The following GOLT1A variants were observed in gnomAD, a reference collection of about 807,000 sequenced individuals.
GOLT1A encodes vesicle transport protein GOT1A.
Under a neutral mutation model 16.1 loss-of-function variants are expected in GOLT1A, and 10 were observed. The observed-to-expected ratio is 0.62, with a 90% CI of 0.38 to 1.05. The LOEUF is 1.05. Ranked by LOEUF, GOLT1A falls within the 50% of genes least tolerant of loss-of-function variation. GOLT1A has a pLI of 0.01. For missense variants in GOLT1A, 137 were observed against 165.7 expected, an observed-to-expected ratio of 0.83 and a Z score of 0.95; for synonymous variants, 60 against 67.9, an observed-to-expected ratio of 0.88 and a Z score of 0.57.
At chr1:204,209,352 G>A (rs1216120868) in intron 1 of GOLT1A, among the ~76,000 whole-genome samples, 1 of 152,150 alleles carries the variant, frequency 6.6e-6, no homozygotes, top group East Asian at 1.9e-4. Context: ...GGGATGCTTT[G>A]CCTATGATAC....
chr1:204,208,449 T>C (rs1240354409), intron 1 of GOLT1A, among the ~76,000 whole-genome samples: 1 of 114,428 alleles, frequency 8.7e-6, no homozygotes, highest in East Asian at 2.3e-4. Flanking sequence ...TATGTGTGTA[T>C]ATATGTATAC....
intron 1 of GOLT1A, among the ~76,000 whole-genome samples, chr1:204,212,888 T>C (rs1164710823): frequency 1.3e-5 from 2 of 152,148 alleles, no homozygotes; most frequent in Non-Finnish European, 2.9e-5. Context: ...CACCTCCTTG[T>C]TGTTCTTCAA....
intron 1 of GOLT1A, among the ~76,000 whole-genome samples, chr1:204,207,304 G>A (rs555139365): frequency 3.3e-5 from 5 of 152,314 alleles, no homozygotes; most frequent in Admixed American, 6.5e-5. Context: ...ACACCCAGCC[G>A]AAAAAAGCTG....
chr1:204,208,503 A>ATATATATATAT (rs1355316440), intron 1 of GOLT1A, among the ~76,000 whole-genome samples: 85 of 50,854 alleles, frequency 1.7e-3, no homozygotes, highest in African/African-American at 6.0e-3. Context: ...TATATATATA[A>ATATATATATAT]AAAATGAACT....
At chr1:204,201,907 G>A in intron 2 of GOLT1A, 96 bp from the exon 3 acceptor site, 1 of 1,118,436 alleles carries the variant, frequency 8.9e-7, no homozygotes, top group Non-Finnish European at 1.3e-6. Flanking sequence ...GGGACAGGAT[G>A]TGCTAACTGT....
In GOLT1A at chr1:204,202,957, A is replaced by G; in HGVS notation, c.56T>C (p.Ile19Thr). 3.7e-6 allele frequency: 6 copies of G among 1,614,160 alleles called. No homozygotes were observed. The highest frequency in any genetic ancestry group is 5.1e-6 in the Non-Finnish European group (6 of 1,180,010). ...KIGVGITGFG[I>T]FFILFGTLLY... ...GAGTGTTCCAAAGAGGATGAAGAAGATGCCGAAACCGGTGATCCCCACACC... is the reference window on the plus strand; with the variant it reads ...GAGTGTTCCAAAGAGGATGAAGAAGGTGCCGAAACCGGTGATCCCCACACC... The change falls in exon 2 of 5, where the codon ATC becomes ACC. Residue 19 changes from isoleucine to threonine, a missense_variant. Transcript: ENST00000308302.
intron 1 of GOLT1A, among the ~76,000 whole-genome samples, chr1:204,204,671 C>T (rs192764876): frequency 6.6e-6 from 1 of 152,306 alleles, no homozygotes; most frequent in East Asian, 1.9e-4. Flanking sequence ...GTATATACCC[C>T]ACAAAGTGGA....
intron 1 of GOLT1A, among the ~76,000 whole-genome samples, chr1:204,210,920 T>G (rs1394348686): frequency 6.6e-6 from 1 of 152,160 alleles, no homozygotes; most frequent in Non-Finnish European, 1.5e-5. Flanking sequence ...CTTCAACTTG[T>G]GCCTCCCTTG....
In GOLT1A at chr1:204,201,595, T is replaced by C. The variant is rs111522024; in HGVS notation, c.296+38A>G. 3.9e-3 allele frequency: 6,266 copies of C among 1,598,044 alleles called. 135 individuals are homozygous for C. In the African/African-American group the frequency reaches 0.044, roughly 11 times the overall value. ...GGTGATCTCAGCCACTCAGACACTT[T>C]GGTGGGTCTGTCCAGGGTTATAGGG... On this transcript the variant is annotated intron_variant, in intron 3 of 4. Transcript: ENST00000308302.
At chr1:204,200,167 G>A (rs1308833296) in intron 3 of GOLT1A, among the ~76,000 whole-genome samples, 1 of 151,614 alleles carries the variant, frequency 6.6e-6, no homozygotes, top group Non-Finnish European at 1.5e-5. Context: ...CTACTAAATT[G>A]TAAATTCCTT....
rs568088730 is a variant in GOLT1A, at chr1:204,211,825, A to C, written c.25+2057T>G. Among the ~76,000 whole-genome samples the C allele has an allele frequency of 5.3e-5, 8 of 152,152 alleles. No individual in the cohort carries two copies. The East Asian group carries it at 1.5e-3, about 29-fold the overall frequency. On this transcript the variant is annotated intron_variant, in intron 1 of 4. Transcript: ENST00000308302. ...GACATTTTTTATTGTCACAACTTGGAGTGGGGGTGCTACTGGCATGTAGTG... is the reference window on the plus strand; with the variant it reads ...GACATTTTTTATTGTCACAACTTGGCGTGGGGGTGCTACTGGCATGTAGTG...
rs1286299770 is a variant in GOLT1A at position 204,208,476 on chromosome 1, G to GTGTGTATA, written c.25+5405_25+5406insTATACACA. On this transcript the variant is annotated intron_variant, in intron 1 of 4. Transcript: ENST00000308302. ...TATGTATACTTGTGTGTGTGTGTGT[G>GTGTGTATA]TATATATATATATATATATATATAT... 7.0e-3 allele frequency among the ~76,000 whole-genome samples: 281 copies of GTGTGTATA among 39,874 alleles called. 5 individuals are homozygous for GTGTGTATA. The highest frequency in any genetic ancestry group is 0.017 in the Admixed American group (73 of 4,196). 26.2% of individuals were successfully genotyped at this position (39,874 alleles called of 152,430 possible).
chr1:204,206,892 C>T (rs1659047110), intron 1 of GOLT1A, among the ~76,000 whole-genome samples: 1 of 151,940 alleles, frequency 6.6e-6, no homozygotes, highest in Admixed American at 6.6e-5. Context: ...AGTTATCCCT[C>T]CTCCACCTGT....
In GOLT1A at chr1:204,201,752, G is replaced by T. The variant is rs1455779465; in HGVS notation, c.177C>A (p.Phe59Leu). Reference protein sequence around the residue: ...IIGLRKTFWFFFQRHKLKGTS... With the variant: ...IIGLRKTFWFLFQRHKLKGTS... ...TTCCCTTGAGTTTGTGCCGTTGGAA[G>T]AAGAACCAAAAGGTCTTCCTCAGGC... Residue 59 changes from phenylalanine to leucine, a missense_variant, in exon 3 of 5, where the codon TTC becomes TTA. Coordinates refer to ENST00000308302, the MANE Select transcript of GOLT1A (RefSeq NM_198447.2). 2 of 1,614,224 alleles carry T rather than the reference G, an allele frequency of 1.2e-6. No individual in the cohort carries two copies. The highest frequency in any genetic ancestry group is 2.2e-5 in the East Asian group (1 of 44,878).
intron 1 of GOLT1A, among the ~76,000 whole-genome samples, chr1:204,209,908 A>G (rs1011211920): frequency 1.3e-5 from 2 of 152,048 alleles, no homozygotes; most frequent in Non-Finnish European, 2.9e-5. Flanking sequence ...AAATACAAAA[A>G]ATTAGCCGGT....
At chr1:204,204,228 A>G (rs1659007514) in intron 1 of GOLT1A, among the ~76,000 whole-genome samples, 1 of 152,188 alleles carries the variant, frequency 6.6e-6, no homozygotes, top group African/African-American at 2.4e-5. Context: ...TGTACAGTTC[A>G]GTGGTATTAA....
At chr1:204,199,765 C>T (rs1658922204) in intron 3 of GOLT1A, among the ~76,000 whole-genome samples, 1 of 152,304 alleles carries the variant, frequency 6.6e-6, no homozygotes, top group Middle Eastern at 3.4e-3. Context: ...CTGGCTCCCC[C>T]AGGCACACAG....
chr1:204,207,501 C>A (rs764789751), intron 1 of GOLT1A, among the ~76,000 whole-genome samples: 14 of 152,198 alleles, frequency 9.2e-5, no homozygotes, highest in Admixed American at 2.0e-4. Context: ...CATGGCCACC[C>A]GATACGGACA....
intron 1 of GOLT1A, among the ~76,000 whole-genome samples, chr1:204,209,188 T>C (rs2102339979): frequency 6.6e-6 from 1 of 152,368 alleles, no homozygotes; most frequent in East Asian, 1.9e-4. Context: ...TTATGCATCT[T>C]AGGCAGAAAT....
Sources: allele counts gnomAD v4.1 joint callset (sites outside exome capture counted in the v4.1 genomes callset), GRCh38; gene constraint gnomAD v4.1.1; transcripts MANE v1.5; gene names NCBI Gene and HGNC (gene_info 2026-07-23, HGNC 2026-07-21).